The following POP1 variants were observed in gnomAD, a reference collection of about 807,000 sequenced individuals.
The protein encoded by POP1 is POP1 ribonuclease P/MRP subunit, also known as ribonucleases P/MRP protein subunit POP1.
Under a neutral mutation model 102.2 loss-of-function variants are expected in POP1, and 75 were observed. The observed-to-expected ratio is 0.73, with a 90% CI of 0.61 to 0.89. POP1 has a LOEUF of 0.89. Ranked by LOEUF, POP1 falls within the 40% of genes least tolerant of loss-of-function variation. The pLI is 0.00. For missense variants in POP1, 1,116 were observed against 1,267.4 expected (o/e 0.88, Z 1.81); for synonymous variants, 436 against 464.1 (o/e 0.94, Z 0.78).
rs543583796 is a variant in POP1, at chr8:98,123,812, A to C, written c.142+333A>C. On this transcript the variant is annotated intron_variant, in intron 2 of 15. Coordinates refer to ENST00000401707, the MANE Select transcript of POP1 (RefSeq NM_001145860.2). ...AAAAGATACACATGATGCTCTCTCCACTCCCATTTTGATCAAATTGCTTTT... is the reference window on the plus strand; with the variant it reads ...AAAAGATACACATGATGCTCTCTCCCCTCCCATTTTGATCAAATTGCTTTT... Among the ~76,000 whole-genome samples, 129 of 151,174 alleles carry C rather than the reference A, an allele frequency of 8.5e-4. 3 individuals are homozygous for C. The South Asian group carries it at 0.016, about 18-fold the overall frequency.
rs1327159044 is a variant in POP1 at position 98,148,950 on chromosome 8, A to G, written c.1846A>G (p.Ser616Gly). ...TGGTGAAGATCGACTAGGCTGGGGAAGTGGCTGGGATGTCCTACTCCCAAA... is the reference window on the plus strand; with the variant it reads ...TGGTGAAGATCGACTAGGCTGGGGAGGTGGCTGGGATGTCCTACTCCCAAA... Reference protein sequence around the residue: ...VTGEDRLGWGSGWDVLLPKGW... With the variant: ...VTGEDRLGWGGGWDVLLPKGW... The change falls in exon 13 of 16, where the codon AGT becomes GGT. Residue 616 changes from serine (S) to glycine (G), a missense_variant. Ser to Gly is a moderately conservative substitution (Grantham distance 56). Coordinates refer to ENST00000401707, the MANE Select transcript of POP1 (RefSeq NM_001145860.2). The G allele has an allele frequency of 6.2e-7, 1 of 1,613,814 alleles. No homozygotes were observed.
chr8:98,156,201 G>A lies in POP1; in HGVS notation c.2209G>A (p.Asp737Asn). 1.2e-6 allele frequency: 2 copies of A among 1,614,066 alleles called. No individual in the cohort carries two copies. The highest frequency in any genetic ancestry group is 1.7e-6 in the Non-Finnish European group (2 of 1,180,020). ...VASSPNGKES[D>N]LRRSEVPCAP... ...TTCATCTCCAAATGGTAAGGAGAGT[G>A]ACCTAAGAAGATCTGAGGTGCCTTG... The change falls in exon 15 of 16, where the codon GAC becomes AAC. Residue 737 changes from aspartate (D) to asparagine (N), a missense_variant. Coordinates refer to ENST00000401707, the MANE Select transcript of POP1 (RefSeq NM_001145860.2).
chr8:98,130,198 G>A lies in POP1; in HGVS notation c.707G>A (p.Arg236Gln), dbSNP rs1816342275. The change falls in exon 5 of 16, where the codon CGA becomes CAA. Residue 236 changes from arginine to glutamine, a missense_variant. By Grantham distance (43) the Arg-to-Gln change is conservative (BLOSUM62 1). Transcript: ENST00000401707. ...GTCAAGAGCCACAGAGCCTGCTATC[G>A]AGCCATGACGAACCGGTGCCTCCTG... ...PTVKSHRACY[R>Q]AMTNRCLLQD... The A allele has an allele frequency of 1.9e-6, 3 of 1,614,110 alleles. No homozygotes were observed. The highest frequency in any genetic ancestry group is 2.2e-5 in the East Asian group (1 of 44,878).
At chr8:98,142,032 CTTTCT>C (rs564611213) in intron 11 of POP1, among the ~76,000 whole-genome samples, 25 of 152,206 alleles carry the variant, frequency 1.6e-4, no homozygotes, top group South Asian at 1.2e-3. Context: ...GTCATTGCCT[CTTTCT>C]TTTCTTTTCT....
intron 5 of POP1, among the ~76,000 whole-genome samples, chr8:98,132,607 C>T (rs957799386): frequency 5.9e-5 from 9 of 152,128 alleles, no homozygotes; most frequent in African/African-American, 2.2e-4. Flanking sequence ...ATGCTGGCTT[C>T]TCCACTTAAT....
At position 98,158,258 on chromosome 8, in the gene POP1, C is replaced by T; in HGVS notation, c.3062C>T (p.Ala1021Val). The T allele has an allele frequency of 1.9e-6, 3 of 1,609,812 alleles. No homozygotes were observed. Among genetic ancestry groups the T allele is most frequent in the Non-Finnish European group, 2.5e-6 (3 of 1,180,016 alleles). The change falls in exon 16 of 16, where the codon GCT becomes GTT. Residue 1021 changes from alanine (A) to valine (V), a missense_variant. Coordinates refer to ENST00000401707, the MANE Select transcript of POP1 (RefSeq NM_001145860.2). Reference sequence around the variant, plus strand: ...CTGCAGTATCGATTTGCGAGGATTGCTATTGAGGTGTGAATGCGTGCTTGT... The same window carrying T: ...CTGCAGTATCGATTTGCGAGGATTGTTATTGAGGTGTGAATGCGTGCTTGT... ...ASLQYRFARIAIEV is the reference protein window; with the variant it reads ...ASLQYRFARIVIEV
At chr8:98,138,388 G>A (rs1474928027) in intron 9 of POP1, among the ~76,000 whole-genome samples, 1 of 152,028 alleles carries the variant, frequency 6.6e-6, no homozygotes, top group East Asian at 1.9e-4. Context: ...CTCCCTTAGA[G>A]CCTTTGCACC....
Position 98,157,673 on chromosome 8 carries a change from G to A in POP1, c.2477G>A (p.Ser826Asn), listed in dbSNP as rs2130638931. Residue 826 changes from serine to asparagine, a missense_variant, in exon 16 of 16, where the codon AGT becomes AAT. Physicochemically the swap from Ser to Asn is conservative, Grantham distance 46. Transcript: ENST00000401707. ...SAWCGPSSEDSRGGRRAPGRG... is the reference protein window; with the variant it reads ...SAWCGPSSEDNRGGRRAPGRG... ...TGGTGTGGGCCCAGTTCTGAGGATA[G>A]TCGGGGAGGCCGGCGAGCTCCCGGC... 6.2e-7 allele frequency: 1 copy of A among 1,614,204 alleles called. No homozygotes were observed. Among genetic ancestry groups the A allele is most frequent in the Middle Eastern group, 1.6e-4 (1 of 6,062 alleles).
intron 14 of POP1, among the ~76,000 whole-genome samples, chr8:98,151,558 G>T (rs1437019368): frequency 6.6e-6 from 1 of 152,114 alleles, no homozygotes; most frequent in South Asian, 2.1e-4. Flanking sequence ...CTTTATTGTG[G>T]CATTTGCAGT....
At chr8:98,136,765 A>C (rs769866528) in intron 8 of POP1, 27 bp downstream of exon 8, 1 of 1,613,082 alleles carries the variant, frequency 6.2e-7, no homozygotes, top group East Asian at 2.2e-5. Context: ...CTTTGAACCT[A>C]CTGAACATTT....
intron 9 of POP1, among the ~76,000 whole-genome samples, chr8:98,139,527 C>T (rs1443089042): frequency 6.6e-6 from 1 of 152,080 alleles, no homozygotes; most frequent in African/African-American, 2.4e-5. Flanking sequence ...TCAAGACCAG[C>T]CTGGGCACCA....
At chr8:98,153,640 C>T (rs28436986) in intron 14 of POP1, among the ~76,000 whole-genome samples, 16,158 of 144,150 alleles carry the variant, frequency 0.11, 955 homozygotes, top group Admixed American at 0.16. Context: ...CAGGTTCAAG[C>T]GATTCTTTTG....
Position 98,156,273 on chromosome 8 carries a change from A to G in POP1, c.2281A>G (p.Thr761Ala), listed in dbSNP as rs1252514148. ...TCATCAGCCATCTGATGAAGTGGGC[A>G]CATCCATAGAGCACCCCAGGGAGGC... ...KTHQPSDEVG[T>A]SIEHPREAEE... The change falls in exon 15 of 16, where the codon ACA (threonine) becomes GCA (alanine). Residue 761 changes from threonine (T) to alanine (A), a missense_variant. Coordinates refer to ENST00000401707, the MANE Select transcript of POP1 (RefSeq NM_001145860.2). 2 of 1,614,160 alleles carry G rather than the reference A, an allele frequency of 1.2e-6. No individual in the cohort carries two copies.
chr8:98,140,403 G>C (rs1816670363), intron 10 of POP1, among the ~76,000 whole-genome samples: 1 of 152,190 alleles, frequency 6.6e-6, no homozygotes, highest in Admixed American at 6.5e-5. Context: ...CATATTCTAA[G>C]TAACTGGCAT....
chr8:98,149,837 T>C (rs185251395), intron 13 of POP1, among the ~76,000 whole-genome samples: 29 of 152,154 alleles, frequency 1.9e-4, no homozygotes, highest in Admixed American at 4.6e-4. Context: ...GTAAAAGGCA[T>C]GTGAGACTTT....
At chr8:98,125,726 G>T (rs559324115) in intron 2 of POP1, among the ~76,000 whole-genome samples, 12 of 152,042 alleles carry the variant, frequency 7.9e-5, no homozygotes, top group African/African-American at 2.9e-4. Flanking sequence ...ATTTAGTAGA[G>T]ACGGGGTTTT....
At position 98,156,379 on chromosome 8, in the gene POP1, T is replaced by C. The variant is rs761860532; in HGVS notation, c.2387T>C (p.Val796Ala). The change falls in exon 15 of 16, where the codon GTT becomes GCT. Residue 796 changes from valine (V) to alanine (A), a missense_variant. By Grantham distance (64) the Val-to-Ala change is moderately conservative. Transcript: ENST00000401707. Reference sequence around the variant, plus strand: ...GACCAGGAGGCCAGTGAAAACCATGTTGCTGCCACAGGGAGTCACCTCTGC... The same window carrying C: ...GACCAGGAGGCCAGTGAAAACCATGCTGCTGCCACAGGGAGTCACCTCTGC... ...ITDQEASENH[V>A]AATGSHLCVL... 2 of 1,613,910 alleles carry C rather than the reference T, an allele frequency of 1.2e-6. No individual in the cohort carries two copies. Among genetic ancestry groups the C allele is most frequent in the Non-Finnish European group, 1.7e-6 (2 of 1,179,996 alleles).
intron 11 of POP1, among the ~76,000 whole-genome samples, chr8:98,142,608 C>T (rs1407041754): frequency 2.0e-5 from 3 of 152,114 alleles, no homozygotes; most frequent in Non-Finnish European, 4.4e-5. Flanking sequence ...TAGTATTTGC[C>T]AATTTGCTTT....
intron 12 of POP1, among the ~76,000 whole-genome samples, chr8:98,148,361 CAAT>C (rs1809415702): frequency 6.6e-6 from 1 of 152,148 alleles, no homozygotes; most frequent in African/African-American, 2.4e-5. Flanking sequence ...TTCCCCTTAA[CAAT>C]AATTTTAAAC....
Sources: allele counts gnomAD v4.1 joint callset (sites outside exome capture counted in the v4.1 genomes callset), GRCh38; gene constraint gnomAD v4.1.1; transcripts MANE v1.5; gene names NCBI Gene and HGNC (gene_info 2026-07-23, HGNC 2026-07-21).